The following CLCN6 variants were observed in gnomAD, a reference collection of about 807,000 sequenced individuals.
CLCN6 encodes the protein H(+)/Cl(-) exchange transporter 6.
CLCN6 carries 70 observed loss-of-function variants against 109.8 expected under a neutral mutation model. The observed-to-expected ratio is 0.64, with a 90% confidence interval of 0.53 to 0.78. CLCN6 has a LOEUF of 0.78. Among genes scored for constraint, CLCN6 ranks in the 30% least tolerant of loss-of-function variants. The probability of loss-of-function intolerance (pLI) is 0.00; values close to 1 mark genes in which losing one functional copy is unlikely to be tolerated. For missense variants in CLCN6, 984 were observed against 1,142.3 expected, an observed-to-expected ratio of 0.86 and a Z score of 2.00; for synonymous variants, 444 against 447.8, an observed-to-expected ratio of 0.99 and a Z score of 0.11.
At chr1:11,810,278 CATT>C (rs1644581407) in intron 2 of CLCN6, among the ~76,000 whole-genome samples, 1 of 152,180 alleles carries the variant, frequency 6.6e-6, no homozygotes, top group Non-Finnish European at 1.5e-5. Context: ...CATCCATTCT[CATT>C]ATAGGTGGTT....
rs531440933 is a variant in CLCN6, at chr1:11,838,337, C to T, written c.2298C>T (p.Ser766=). The T allele has an allele frequency of 9.3e-6, 15 of 1,613,378 alleles. No homozygotes were observed. The highest frequency in any genetic ancestry group is 6.7e-5 in the East Asian group (3 of 44,870). ...CAGTGTCTGGGTTGGAATTGCAGAG[C>T]GCCAGCCAGCCGCGCCTCTCCTATG... ...RGVCYSESQS[S]ASQPRLSYAE... is the part of the protein sequence containing the mutation. The change falls in exon 21 of 23, where the codon AGC becomes AGT. Residue 766 remains serine, a splice_region_variant and synonymous_variant. Coordinates refer to ENST00000346436, the MANE Select transcript of CLCN6 (RefSeq NM_001286.5).
At chr1:11,822,046 G>A (rs1250100535) in intron 5 of CLCN6, among the ~76,000 whole-genome samples, 2 of 151,834 alleles carry the variant, frequency 1.3e-5, no homozygotes, top group Admixed American at 1.3e-4. Context: ...TCAGGTTAGT[G>A]GTTTCTCCCA....
Position 11,836,900 on chromosome 1 carries a change from G to A in CLCN6, c.1981-99G>A, listed in dbSNP as rs369581454. 5.0e-6 allele frequency: 7 copies of A among 1,397,790 alleles called. No individual in the cohort carries two copies. In the Admixed American group the frequency reaches 1.1e-4, roughly 23 times the overall value. The allele number at this position is 1,397,790 out of a possible 1,614,324, so 86.6% of individuals were successfully genotyped here. A position where few individuals can be genotyped will look rare whatever the true frequency, so the allele number is the denominator to read the frequency against. ...CCCCATTAAGTTCCTGCGTCCGGAT[G>A]TGCTTCTGACCCTCCCTGTCACCCA... On this transcript the variant is annotated intron_variant, in intron 18 of 22. Coordinates refer to ENST00000346436, the MANE Select transcript of CLCN6 (RefSeq NM_001286.5).
rs1570538561 is a variant in CLCN6 at position 11,834,052 on chromosome 1, G to A, written c.1526+22G>A. ...AAAGGTACTCTGTGTGTGTGCGTGTGTGTGCGCATGTGCATGTGTGTGCAC... is the reference window on the plus strand; with the variant it reads ...AAAGGTACTCTGTGTGTGTGCGTGTATGTGCGCATGTGCATGTGTGTGCAC... On this transcript the variant is annotated intron_variant, in intron 15 of 22. Transcript: ENST00000346436. This position sits in a 1 kb window ranked among gnomAD's most constrained non-coding sequence, Gnocchi z 4.5. 59 of 1,611,678 alleles carry A rather than the reference G, an allele frequency of 3.7e-5. No individual in the cohort carries two copies. The highest frequency in any genetic ancestry group is 5.0e-5 in the Non-Finnish European group (59 of 1,178,900).
At chr1:11,808,456 A>G (rs1466165245) in intron 2 of CLCN6, among the ~76,000 whole-genome samples, 1 of 152,162 alleles carries the variant, frequency 6.6e-6, no homozygotes, top group East Asian at 1.9e-4. Flanking sequence ...ATAATTCTAT[A>G]TGCATCTCTA....
At chr1:11,806,471 C>A in intron 1 of CLCN6, 122 bp downstream of exon 1, 1 of 840,712 alleles carries the variant, frequency 1.2e-6, no homozygotes, top group Non-Finnish European at 1.7e-6. Flanking sequence ...GGCCTGGGGA[C>A]CGCAGCCAGG....
At position 11,828,366 on chromosome 1, in the gene CLCN6, G is replaced by A. The variant is rs1557427861; in HGVS notation, c.955-92G>A. On this transcript the variant is annotated intron_variant, in intron 11 of 22. Transcript: ENST00000346436. ...TTAGCCTCTGCCGTGCGGGAAAGCA[G>A]CCCCACTCTTGCTTCTGTCTTCTCT... 7.1e-6 allele frequency: 11 copies of A among 1,540,936 alleles called. No homozygotes were observed. The East Asian group carries it at 2.2e-4, about 31-fold the overall frequency.
chr1:11,836,379 A>G (rs967719217), intron 18 of CLCN6, among the ~76,000 whole-genome samples: 1 of 152,160 alleles, frequency 6.6e-6, no homozygotes, highest in African/African-American at 2.4e-5. Flanking sequence ...ATGTGGACAG[A>G]TCTGTTTTTC....
chr1:11,822,629 C>G lies in CLCN6; in HGVS notation c.347-66C>G. ...TGATCCAAAGGAGAAGCAGCTGCAC[C>G]CTCTCAAGTGATGACGGGGACACCC... On this transcript the variant is annotated intron_variant, in intron 5 of 22. Coordinates refer to ENST00000346436, the MANE Select transcript of CLCN6 (RefSeq NM_001286.5). The G allele has an allele frequency of 3.3e-6, 3 of 917,422 alleles. No individual in the cohort carries two copies. The South Asian group carries it at 4.0e-5, about 12-fold the overall frequency. The allele number at this position is 917,422 out of a possible 1,614,324, so 56.8% of individuals were successfully genotyped here. A position where few individuals can be genotyped will look rare whatever the true frequency, so the allele number is the denominator to read the frequency against.
rs143515348 is a variant in CLCN6, at chr1:11,817,053, T to C, written c.279+373T>C. 8.5e-5 allele frequency among the ~76,000 whole-genome samples: 13 copies of C among 152,252 alleles called. No individual in the cohort carries two copies. In the East Asian group the frequency reaches 2.1e-3, roughly 25 times the overall value. On this transcript the variant is annotated intron_variant, in intron 4 of 22. Coordinates refer to ENST00000346436, the MANE Select transcript of CLCN6 (RefSeq NM_001286.5). ...GTCTCCCTAATGGGTAGATAATGCA[T>C]TGGGTAGAGTAAATAATGGAAGTTA...
At position 11,840,747 on chromosome 1, in the gene CLCN6, AAC is replaced by A. The variant is rs1645009377; in HGVS notation, c.*527_*528del. On this transcript the variant is annotated 3_prime_UTR_variant, in exon 23 of 23. Coordinates refer to ENST00000346436, the MANE Select transcript of CLCN6 (RefSeq NM_001286.5). Reference sequence around the variant, plus strand: ...AGTCCTTCCCTTATTTGGGACTCTTAACACGGTATCCTCGCTAGTTGGTTTTA... The same window carrying A: ...AGTCCTTCCCTTATTTGGGACTCTTAACGGTATCCTCGCTAGTTGGTTTTA... The A allele has an allele frequency of 5.5e-6, 1 of 182,676 alleles. No individual in the cohort carries two copies. Among genetic ancestry groups the A allele is most frequent in the Non-Finnish European group, 1.2e-5 (1 of 84,832 alleles). 11.3% of individuals were successfully genotyped at this position (182,676 alleles called of 1,614,324 possible).
chr1:11,816,554 A>G (rs2100616190), intron 3 of CLCN6, 61 bp from the exon 4 acceptor site: 3 of 1,497,038 alleles, frequency 2.0e-6, no homozygotes, highest in Non-Finnish European at 2.8e-6. Flanking sequence ...GCCAAGATGT[A>G]TTTCTTCCCC....
In CLCN6 at chr1:11,828,759, G is replaced by A. The variant is rs926123667; in HGVS notation, c.1121+135G>A. The A allele has an allele frequency of 3.1e-5, 30 of 973,000 alleles. No homozygotes were observed. The South Asian group carries it at 4.4e-4, about 14-fold the overall frequency. The allele number at this position is 973,000 out of a possible 1,614,324, so 60.3% of individuals were successfully genotyped here. A position where few individuals can be genotyped will look rare whatever the true frequency, so the allele number is the denominator to read the frequency against. On this transcript the variant is annotated intron_variant, in intron 12 of 22. Transcript: ENST00000346436. ...CATCTAAGACTGAGAATCTAAACACGGCCATGCATCTTCCCTACTTGACAG... is the reference window on the plus strand; with the variant it reads ...CATCTAAGACTGAGAATCTAAACACAGCCATGCATCTTCCCTACTTGACAG...
rs764948181 is a variant in CLCN6 at position 11,828,638 on chromosome 1, C to T, written c.1121+14C>T. Reference sequence around the variant, plus strand: ...TAAGCTCGTCAGGTATCTGCACAGTCGCCTCCCCCCCGAGCCTGCTGCGGC... The same window carrying T: ...TAAGCTCGTCAGGTATCTGCACAGTTGCCTCCCCCCCGAGCCTGCTGCGGC... On this transcript the variant is annotated intron_variant, in intron 12 of 22. Transcript: ENST00000346436. 29 of 1,584,182 alleles carry T rather than the reference C, an allele frequency of 1.8e-5. 1 individual carries two copies. The East Asian group carries it at 2.9e-4, about 16-fold the overall frequency.
Position 11,842,030 on chromosome 1 carries a change from G to T in CLCN6, c.*1807G>T, listed in dbSNP as rs969902170. The T allele has an allele frequency of 1.3e-5, 2 of 152,238 alleles. No homozygotes were observed. The highest frequency in any genetic ancestry group is 2.9e-5 in the Non-Finnish European group (2 of 68,046). 9.4% of individuals were successfully genotyped at this position (152,238 alleles called of 1,614,324 possible). A position where few individuals can be genotyped will look rare whatever the true frequency, so the allele number is the denominator to read the frequency against. On this transcript the variant is annotated 3_prime_UTR_variant, in exon 23 of 23. Coordinates refer to ENST00000346436, the MANE Select transcript of CLCN6 (RefSeq NM_001286.5). The stretch of plus-strand genomic sequence containing the variant: ...CTGCTGTGTTTTATGGCAGTGTTCA[G>T]AGCTTGATCACGTTATTTCTTCCTT...
chr1:11,840,534 G>A lies in CLCN6; in HGVS notation c.*311G>A, dbSNP rs918320142. The stretch of plus-strand genomic sequence containing the variant: ...GCCAGAAGCAGAGGTAGAATCAGGC[G>A]GGCCCCGGGCTGCACTCCGAGCAGT... On this transcript the variant is annotated 3_prime_UTR_variant, in exon 23 of 23. Transcript: ENST00000346436. The A allele has an allele frequency of 3.6e-5, 17 of 471,120 alleles. No individual in the cohort carries two copies. Among genetic ancestry groups the A allele is most frequent in the African/African-American group, 2.0e-4 (10 of 51,098 alleles). The allele number at this position is 471,120 out of a possible 1,614,324, so 29.2% of individuals were successfully genotyped here.
intron 11 of CLCN6, 54 bp from the exon 12 acceptor site, chr1:11,828,404 G>A (rs779569368): frequency 9.4e-5 from 150 of 1,602,336 alleles, no homozygotes; most frequent in Middle Eastern, 1.7e-4. Flanking sequence ...TGTCTCTTCC[G>A]GTTCTCATGG....
Position 11,837,131 on chromosome 1 carries a change from C to G in CLCN6, c.2113C>G (p.Leu705Val), listed in dbSNP as rs1644960375. The change falls in exon 19 of 23, where the codon CTC becomes GTC. Residue 705 changes from leucine to valine, a missense_variant. Coordinates refer to ENST00000346436, the MANE Select transcript of CLCN6 (RefSeq NM_001286.5). ...TGAGGAGCCAGCCGAGAAGGAGGAC[C>G]TCCTGCAGCAGATGCTGGAAAGGAG... Reference protein sequence around the residue: ...ASEEPAEKEDLLQQMLERRYT... With the variant: ...ASEEPAEKEDVLQQMLERRYT... 6.2e-7 allele frequency: 1 copy of G among 1,612,924 alleles called. No individual in the cohort carries two copies. Among genetic ancestry groups the G allele is most frequent in the African/African-American group, 1.3e-5 (1 of 74,926 alleles).
intron 18 of CLCN6, among the ~76,000 whole-genome samples, chr1:11,836,746 G>A (rs1249538903): frequency 6.6e-6 from 1 of 152,178 alleles, no homozygotes; most frequent in African/African-American, 2.4e-5. Context: ...GGATGTAGGA[G>A]ATGGCTTGTT....
Sources: allele counts gnomAD v4.1 joint callset (sites outside exome capture counted in the v4.1 genomes callset), GRCh38; gene constraint gnomAD v4.1.1; non-coding constraint Gnocchi (gnomAD v3.1); transcripts MANE v1.5; gene names NCBI Gene and HGNC (gene_info 2026-07-23, HGNC 2026-07-21).